ZNF143: variants seen among roughly 807,000 people sequenced by gnomAD.
ZNF143 encodes the protein zinc finger protein 143, also known as SPH-binding factor.
Under a neutral mutation model 74.1 loss-of-function variants are expected in ZNF143, and 49 were observed. That is an observed-to-expected ratio of 0.66 (90% CI 0.53 to 0.84). The LOEUF is 0.84. Ranked by LOEUF, ZNF143 falls within the 40% of genes least tolerant of loss-of-function variation. The pLI is 0.00. For missense variants in ZNF143, 637 were observed against 793.4 expected, an observed-to-expected ratio of 0.80 and a Z score of 2.37; for synonymous variants, 304 against 282.8, an observed-to-expected ratio of 1.07 and a Z score of -0.75.
intron 1 of ZNF143, among the ~76,000 whole-genome samples, chr11:9,465,830 T>A (rs79182279): frequency 1.3e-3 from 192 of 152,052 alleles, no homozygotes; most frequent in African/African-American, 4.0e-3. Context: ...TTGTTTGTTT[T>A]CTTTTTTTGC....
intron 7 of ZNF143, among the ~76,000 whole-genome samples, chr11:9,488,021 A>C (rs1021592259): frequency 1.3e-5 from 2 of 152,124 alleles, no homozygotes; most frequent in Admixed American, 1.3e-4. Context: ...TGATTATACA[A>C]ACTTCTTTTG....
intron 14 of ZNF143, among the ~76,000 whole-genome samples, chr11:9,524,080 T>C (rs770505487): frequency 6.7e-6 from 1 of 150,266 alleles, no homozygotes; most frequent in Non-Finnish European, 1.5e-5. Flanking sequence ...TTGAGGACAG[T>C]TTATACAAAG....
chr11:9,467,511 T>C (rs1044137265), intron 1 of ZNF143, among the ~76,000 whole-genome samples: 7 of 151,942 alleles, frequency 4.6e-5, no homozygotes, highest in Non-Finnish European at 1.0e-4. Flanking sequence ...GCTGGGATTA[T>C]AGGTGTGAGC....
At position 9,474,576 on chromosome 11, in the gene ZNF143, G is replaced by A; in HGVS notation, c.316G>A (p.Gly106Ser). 6.2e-7 allele frequency: 1 copy of A among 1,614,122 alleles called. No homozygotes were observed. The highest frequency in any genetic ancestry group is 8.5e-7 in the Non-Finnish European group (1 of 1,180,012). The change falls in exon 5 of 16, where the codon GGT (glycine) becomes AGT (serine). Residue 106 changes from glycine (G) to serine (S), a missense_variant. Coordinates refer to ENST00000396602, the MANE Select transcript of ZNF143 (RefSeq NM_003442.6). ...AGGGGACAGTTTGCGTCTAGAGGAT[G>A]GTCAAGCAGTACAGTTAGAAGATGG... ...STGDSLRLED[G>S]QAVQLEDGTT...
chr11:9,521,028 A>C (rs766707006), intron 14 of ZNF143, among the ~76,000 whole-genome samples: 2 of 152,228 alleles, frequency 1.3e-5, no homozygotes, highest in Non-Finnish European at 2.9e-5. Flanking sequence ...CACAAAATTG[A>C]GAGGTAGGTA....
intron 12 of ZNF143, 47 bp from the exon 13 acceptor site, chr11:9,512,401 A>G (rs1392847374): frequency 6.3e-7 from 1 of 1,586,720 alleles, no homozygotes; most frequent in Non-Finnish European, 8.6e-7. Context: ...TATTTTCTAA[A>G]CAAATTGGTT....
intron 9 of ZNF143, among the ~76,000 whole-genome samples, chr11:9,497,265 C>CT (rs754558973): frequency 2.0e-5 from 3 of 152,242 alleles, no homozygotes; most frequent in Non-Finnish European, 2.9e-5. Flanking sequence ...GAATCTCACT[C>CT]TGTCGCCCAG....
chr11:9,490,294 C>T (rs377324223), intron 7 of ZNF143, among the ~76,000 whole-genome samples: 815 of 93,166 alleles, frequency 8.7e-3, no homozygotes, highest in Middle Eastern at 0.022. Flanking sequence ...TTTTTTTTTG[C>T]TTTTTTTTTT....
intron 5 of ZNF143, 42 bp downstream of exon 5, chr11:9,474,675 G>A: frequency 6.4e-7 from 1 of 1,554,754 alleles, no homozygotes; most frequent in South Asian, 1.1e-5. Flanking sequence ...AGGGAGAAGT[G>A]GGAGTGGTGG....
chr11:9,469,545 A>G (rs1400552763), intron 1 of ZNF143, among the ~76,000 whole-genome samples: 2 of 151,966 alleles, frequency 1.3e-5, no homozygotes, highest in African/African-American at 4.8e-5. Flanking sequence ...AGGTCTTAAC[A>G]GTAGGGTACT....
intron 4 of ZNF143, 59 bp from the exon 5 acceptor site, chr11:9,474,491 G>A (rs1268912625): frequency 1.2e-5 from 19 of 1,534,150 alleles, no homozygotes; most frequent in Non-Finnish European, 1.7e-5. Flanking sequence ...TTGTTGCTAA[G>A]TGAGTTAATT....
chr11:9,476,799 T>C (rs987458528), intron 5 of ZNF143, among the ~76,000 whole-genome samples: 3 of 111,666 alleles, frequency 2.7e-5, no homozygotes, highest in African/African-American at 6.8e-5. Context: ...TCGCTCTCTC[T>C]CCCAGTCTGG....
At chr11:9,508,125 C>T (rs1848425388) in intron 11 of ZNF143, among the ~76,000 whole-genome samples, 1 of 152,154 alleles carries the variant, frequency 6.6e-6, no homozygotes, top group Non-Finnish European at 1.5e-5. Context: ...TGTAAGAAGT[C>T]AGGTTAAGTT....
chr11:9,492,960 G>A (rs1847834233), intron 7 of ZNF143, among the ~76,000 whole-genome samples: 1 of 152,148 alleles, frequency 6.6e-6, no homozygotes, highest in Non-Finnish European at 1.5e-5. Context: ...CATGGAAGTA[G>A]GGAGATGGAA....
chr11:9,471,234 A>G, intron 1 of ZNF143, 68 bp from the exon 2 acceptor site: 1 of 1,329,612 alleles, frequency 7.5e-7, no homozygotes, highest in African/African-American at 1.5e-5. Flanking sequence ...TGGTTCATAA[A>G]TATTCTTTGT....
At chr11:9,489,322 T>C (rs919667000) in intron 7 of ZNF143, among the ~76,000 whole-genome samples, 2 of 152,320 alleles carry the variant, frequency 1.3e-5, no homozygotes. Context: ...GAAACCTTGC[T>C]GTTGTCACCC....
chr11:9,521,743 A>C (rs1848937633), intron 14 of ZNF143, among the ~76,000 whole-genome samples: 1 of 152,044 alleles, frequency 6.6e-6, no homozygotes, highest in Non-Finnish European at 1.5e-5. Flanking sequence ...AGATGTTCAT[A>C]CTATTTCCTT....
chr11:9,495,472 T>C (rs1028793050), intron 8 of ZNF143, among the ~76,000 whole-genome samples: 30 of 152,196 alleles, frequency 2.0e-4, no homozygotes, highest in African/African-American at 7.2e-4. Context: ...TTGGGCTAAG[T>C]ATTTTTATTT....
At chr11:9,471,532 C>G in intron 2 of ZNF143, 112 bp downstream of exon 2, 1 of 678,378 alleles carries the variant, frequency 1.5e-6, no homozygotes, top group Non-Finnish European at 2.3e-6. Context: ...AAACCTAGGT[C>G]TTTTTATGAG....
Sources: allele counts gnomAD v4.1 joint callset (sites outside exome capture counted in the v4.1 genomes callset), GRCh38; gene constraint gnomAD v4.1.1; transcripts MANE v1.5; gene names NCBI Gene and HGNC (gene_info 2026-07-23, HGNC 2026-07-21).